The following TET2 variants were observed in gnomAD, a reference collection of about 807,000 sequenced individuals.
TET2 encodes the protein tet methylcytosine dioxygenase 2.
In TET2, 299 loss-of-function variants were observed where a neutral mutation model predicts 142.9. The observed-to-expected ratio is 2.09, with a 90% confidence interval of 1.90 to 2.30. TET2 has a LOEUF of 2.30. TET2 is among the 30% of genes most tolerant of loss of function. The pLI is 0.00. For synonymous variants in TET2, 819 were observed against 849.0 expected (o/e 0.96, Z 0.61); for missense variants, 2,418 against 2,378.0 (o/e 1.02, Z -0.35).
chr4:105,266,570 G>A (rs1730689408), intron 8 of TET2, among the ~76,000 whole-genome samples: 1 of 152,034 alleles, frequency 6.6e-6, no homozygotes, highest in African/African-American at 2.4e-5. Context: ...AAGCATGAGA[G>A]TGATAAGGAA....
At chr4:105,151,083 G>T (rs1368000397) in intron 1 of TET2, among the ~76,000 whole-genome samples, 1 of 152,098 alleles carries the variant, frequency 6.6e-6, no homozygotes. Context: ...ACTTTGGGAG[G>T]CCAAGGTGAG....
At chr4:105,267,829 TAA>T (rs1345768278) in intron 8 of TET2, among the ~76,000 whole-genome samples, 1 of 151,768 alleles carries the variant, frequency 6.6e-6, no homozygotes, top group Non-Finnish European at 1.5e-5. Flanking sequence ...ATTTTTAACA[TAA>T]AAAATGATGT....
intron 6 of TET2, among the ~76,000 whole-genome samples, chr4:105,250,642 A>G (rs1729827163): frequency 6.6e-6 from 1 of 151,804 alleles, no homozygotes; most frequent in Admixed American, 6.6e-5. Context: ...TTTTCCATTT[A>G]TTCTTAAATT....
At chr4:105,258,166 C>G (rs562302452) in intron 6 of TET2, among the ~76,000 whole-genome samples, 1 of 152,230 alleles carries the variant, frequency 6.6e-6, no homozygotes, top group East Asian at 1.9e-4. Context: ...ACAAATTCTC[C>G]CTATATTGCT....
Position 105,259,614 on chromosome 4 carries a change from T to C in TET2, c.3804-5T>C. 1 of 1,550,466 alleles carries C rather than the reference T, an allele frequency of 6.4e-7. No individual in the cohort carries two copies. The highest frequency in any genetic ancestry group is 8.7e-7 in the Non-Finnish European group (1 of 1,146,212). The stretch of plus-strand genomic sequence containing the variant: ...AGCAATGAATTTGGTCTTTTGATTT[T>C]TCAGGAGAACTTGCGCCTGTCAGGG... On this transcript the variant is annotated splice_region_variant and splice_polypyrimidine_tract_variant and intron_variant, in intron 6 of 10. Coordinates refer to ENST00000380013, the MANE Select transcript of TET2 (RefSeq NM_001127208.3).
rs536766364 is a variant in TET2, at chr4:105,212,676, A to G, written c.-46-21221A>G. On this transcript the variant is annotated intron_variant, in intron 2 of 10. Transcript: ENST00000380013. ...TGATATTAGTCTCTTTTAATTTTCT[A>G]TTTTTTTCATGATTAAAAAATATTA... Among the ~76,000 whole-genome samples the G allele has an allele frequency of 6.3e-4, 96 of 152,194 alleles. 1 individual carries two copies. In the South Asian group the frequency reaches 0.019, roughly 30 times the overall value.
Position 105,235,824 on chromosome 4 carries a change from G to T in TET2, c.1882G>T (p.Glu628Ter). ...TTACACCCAGAAAACAACACAGCTGGAGCACAAGTCACAAATGTACCAAGT... is the reference window on the plus strand; with the variant it reads ...TTACACCCAGAAAACAACACAGCTGTAGCACAAGTCACAAATGTACCAAGT... ...QAYTQKTTQL[E>*]HKSQMYQVEM... Residue 628 changes from glutamate to a stop codon, truncating the protein, a stop_gained, in exon 3 of 11, where the codon GAG becomes TAG. Transcript: ENST00000380013. LOFTEE classifies it high-confidence loss of function. 1.9e-6 allele frequency: 3 copies of T among 1,613,966 alleles called. No individual in the cohort carries two copies. The highest frequency in any genetic ancestry group is 2.5e-6 in the Non-Finnish European group (3 of 1,179,990).
chr4:105,210,730 C>G (rs1289459942), intron 2 of TET2, among the ~76,000 whole-genome samples: 1 of 152,160 alleles, frequency 6.6e-6, no homozygotes, highest in Non-Finnish European at 1.5e-5. Flanking sequence ...CACATCTAAT[C>G]CATTACCAAG....
At chr4:105,261,091 T>G (rs1057448769) in intron 7 of TET2, among the ~76,000 whole-genome samples, 1 of 151,952 alleles carries the variant, frequency 6.6e-6, no homozygotes, top group African/African-American at 2.4e-5. Context: ...TAGAGAAATA[T>G]CAATCTGAAA....
rs1182813095 is a variant in TET2, at chr4:105,259,655, C to T, written c.3840C>T (p.Thr1280=). 6.4e-7 allele frequency: 1 copy of T among 1,550,928 alleles called. No homozygotes were observed. Among genetic ancestry groups the T allele is most frequent in the African/African-American group, 1.4e-5 (1 of 72,974 alleles). The change falls in exon 7 of 11, where the codon ACC becomes ACT. Residue 1280 remains threonine, a synonymous_variant. Coordinates refer to ENST00000380013, the MANE Select transcript of TET2 (RefSeq NM_001127208.3). ...TCACQGLDPE[T]CGASFSFGCS... ...CCTGTCAGGGGCTGGATCCAGAAAC[C>T]TGTGGTGCCTCCTTCTCTTTTGGTT...
At position 105,278,696 on chromosome 4, in the gene TET2, G is replaced by A. The variant is rs181411622; in HGVS notation, c.*2177G>A. Reference sequence around the variant, plus strand: ...TATTGTAAAGAAAAGCATTTTAAAAGTTTGAGGAATCTTTTGACTGTTTCA... The same window carrying A: ...TATTGTAAAGAAAAGCATTTTAAAAATTTGAGGAATCTTTTGACTGTTTCA... On this transcript the variant is annotated 3_prime_UTR_variant, in exon 11 of 11. Transcript: ENST00000380013. The A allele has an allele frequency of 4.3e-6, 1 of 232,458 alleles. No individual in the cohort carries two copies. The highest frequency in any genetic ancestry group is 8.5e-6 in the Non-Finnish European group (1 of 117,782). The allele number at this position is 232,458 out of a possible 1,614,324, so 14.4% of individuals were successfully genotyped here.
chr4:105,167,576 T>A (rs1724231573), intron 1 of TET2, among the ~76,000 whole-genome samples: 1 of 152,156 alleles, frequency 6.6e-6, no homozygotes, highest in South Asian at 2.1e-4. Flanking sequence ...AGTGCTAGAG[T>A]TCATGACTGA....
At position 105,235,041 on chromosome 4, in the gene TET2, T is replaced by A; in HGVS notation, c.1099T>A (p.Ser367Thr). The change falls in exon 3 of 11, where the codon TCT (serine) becomes ACT (threonine). Residue 367 changes from serine to threonine, a missense_variant. By Grantham distance (58) the Ser-to-Thr change is moderately conservative. Coordinates refer to ENST00000380013, the MANE Select transcript of TET2 (RefSeq NM_001127208.3). Reference protein sequence around the residue: ...SSNLQAPGGSSERYLKQNEMN... With the variant: ...SSNLQAPGGSTERYLKQNEMN... ...CAATTTGCAAGCTCCTGGTGGCAGC[T>A]CTGAACGGTATTTAAAACAAAATGA... is the stretch of plus-strand genomic sequence containing the variant. 1 of 1,614,126 alleles carries A rather than the reference T, an allele frequency of 6.2e-7. No homozygotes were observed. Among genetic ancestry groups the A allele is most frequent in the South Asian group, 1.1e-5 (1 of 91,078 alleles).
intron 2 of TET2, among the ~76,000 whole-genome samples, chr4:105,215,058 T>C (rs143822516): frequency 5.3e-5 from 8 of 152,110 alleles, no homozygotes; most frequent in African/African-American, 1.9e-4. Context: ...GGGAATTAAA[T>C]TGGAGGACAC....
Position 105,276,155 on chromosome 4 carries a change from C to A in TET2, c.5645C>A (p.Ala1882Asp). ...LIECAKRELH[A>D]TTPLKNPNRN... ...GAGTGTGCAAAGCGTGAGCTGCATG[C>A]CACAACCCCTTTAAAGAATCCCAAT... The change falls in exon 11 of 11, where the codon GCC becomes GAC. Residue 1882 changes from alanine (A) to aspartate (D), a missense_variant. Transcript: ENST00000380013. 1 of 1,551,598 alleles carries A rather than the reference C, an allele frequency of 6.4e-7. No homozygotes were observed. The highest frequency in any genetic ancestry group is 8.7e-7 in the Non-Finnish European group (1 of 1,146,970).
chr4:105,153,417 C>A (rs1188371554), intron 1 of TET2, among the ~76,000 whole-genome samples: 1 of 152,120 alleles, frequency 6.6e-6, no homozygotes, highest in Admixed American at 6.5e-5. Context: ...AGCAATTTAT[C>A]AATCTTGTGA....
intron 1 of TET2, among the ~76,000 whole-genome samples, chr4:105,158,966 C>A (rs1355721454): frequency 2.6e-5 from 4 of 152,168 alleles, no homozygotes; most frequent in African/African-American, 9.7e-5. Context: ...GTCACATCAA[C>A]ATTTGACACG....
intron 2 of TET2, among the ~76,000 whole-genome samples, chr4:105,228,983 C>A (rs1728337607): frequency 6.6e-6 from 1 of 152,132 alleles, no homozygotes; most frequent in South Asian, 2.1e-4. Flanking sequence ...TGGAATTTTA[C>A]ATTTTCTAGT....
At chr4:105,268,696 C>T (rs990119600) in intron 8 of TET2, among the ~76,000 whole-genome samples, 11 of 152,150 alleles carry the variant, frequency 7.2e-5, no homozygotes, top group South Asian at 2.1e-4. Flanking sequence ...ATTGCCCAGG[C>T]GCAGTGGCTC....
Sources: gnomAD v4.1 joint callset for allele counts (sites outside exome capture counted in the v4.1 genomes callset) on GRCh38, gnomAD v4.1.1 for gene constraint, MANE v1.5 for transcripts, NCBI Gene and HGNC (gene_info 2026-07-23, HGNC 2026-07-21) for gene names.